Variants in TRABD2B observed in about 807,000 individuals in gnomAD.
The protein encoded by TRABD2B is TraB domain containing 2B.
In TRABD2B, 14 loss-of-function variants were observed where a neutral mutation model predicts 40.1. The observed-to-expected ratio is 0.35, with a 90% confidence interval of 0.23 to 0.55. The LOEUF (loss-of-function observed/expected upper bound fraction) is 0.55. Among genes scored for constraint, TRABD2B ranks in the 20% least tolerant of loss-of-function variants. The pLI is 0.90. For missense variants in TRABD2B, 541 were observed against 648.6 expected (o/e 0.83, Z 1.80); for synonymous variants, 263 against 277.0 (o/e 0.95, Z 0.50).
At chr1:47,800,918 G>C (rs1011417107) in intron 3 of TRABD2B, among the ~76,000 whole-genome samples, 2 of 152,172 alleles carry the variant, frequency 1.3e-5, no homozygotes, top group Non-Finnish European at 2.9e-5. Flanking sequence ...GCCAGCAGAG[G>C]GCACGTTGTA....
In TRABD2B at chr1:47,945,740, T is replaced by G. The variant is rs562079571; in HGVS notation, c.666+48294A>C. ...AATGTTGGGCCTGTATCAGTAGTTTTTTTCCTTTTGTTGCTGAGCAGTATT... is the reference window on the plus strand; with the variant it reads ...AATGTTGGGCCTGTATCAGTAGTTTGTTTCCTTTTGTTGCTGAGCAGTATT... On this transcript the variant is annotated intron_variant, in intron 2 of 6. Coordinates refer to ENST00000606738, the MANE Select transcript of TRABD2B (RefSeq NM_001194986.2). 2.0e-5 allele frequency among the ~76,000 whole-genome samples: 3 copies of G among 152,344 alleles called. No individual in the cohort carries two copies. The South Asian group carries it at 6.2e-4, about 32-fold the overall frequency.
At chr1:47,946,953 T>C (rs746799052) in intron 2 of TRABD2B, among the ~76,000 whole-genome samples, 4 of 151,724 alleles carry the variant, frequency 2.6e-5, no homozygotes, top group Non-Finnish European at 4.4e-5. Flanking sequence ...TTTTTCCATA[T>C]GGAGGTAAAG....
intron 2 of TRABD2B, among the ~76,000 whole-genome samples, chr1:47,936,854 C>T (rs1339459508): frequency 1.4e-5 from 2 of 143,202 alleles, no homozygotes; most frequent in African/African-American, 2.5e-5. Flanking sequence ...TAAGAATCAT[C>T]ATCATCATCA....
intron 2 of TRABD2B, among the ~76,000 whole-genome samples, chr1:47,887,781 T>C (rs1376031869): frequency 4.6e-5 from 7 of 152,086 alleles, no homozygotes; most frequent in Non-Finnish European, 8.8e-5. Flanking sequence ...CAGGTTCCTG[T>C]CTCCCAGAAC....
intron 2 of TRABD2B, among the ~76,000 whole-genome samples, chr1:47,956,758 C>CTGTAG (rs1346465835): frequency 6.6e-6 from 1 of 152,266 alleles, no homozygotes; most frequent in Admixed American, 6.5e-5. Flanking sequence ...CTGCCTGCCT[C>CTGTAG]TGTAGACTCC....
intron 2 of TRABD2B, among the ~76,000 whole-genome samples, chr1:47,926,158 C>T (rs1459194971): frequency 6.6e-6 from 1 of 152,106 alleles, no homozygotes; most frequent in Non-Finnish European, 1.5e-5. Flanking sequence ...TTAGGTAAAT[C>T]ATATGTTATC....
At chr1:47,775,944 GTA>G (rs1644441254) in intron 5 of TRABD2B, among the ~76,000 whole-genome samples, 1 of 152,052 alleles carries the variant, frequency 6.6e-6, no homozygotes, top group African/African-American at 2.4e-5. Flanking sequence ...TCTCTGGGGC[GTA>G]TCTGAGCTTG....
chr1:47,943,167 C>T (rs539595606), intron 2 of TRABD2B, among the ~76,000 whole-genome samples: 5 of 152,316 alleles, frequency 3.3e-5, no homozygotes, highest in East Asian at 1.9e-4. Flanking sequence ...GAAGATTCAA[C>T]GAGGACACGC....
chr1:47,859,563 T>C (rs1048794299), intron 2 of TRABD2B, among the ~76,000 whole-genome samples: 4 of 152,236 alleles, frequency 2.6e-5, no homozygotes, highest in African/African-American at 9.6e-5. Flanking sequence ...AGCAGCCCCT[T>C]TCTGGCCTGA....
chr1:47,801,546 G>T lies in TRABD2B; in HGVS notation c.740C>A (p.Thr247Asn). The change falls in exon 3 of 7, where the codon ACC (threonine) becomes AAC (asparagine). Residue 247 changes from threonine to asparagine, a missense_variant. By Grantham distance (65) the Thr-to-Asn change is moderately conservative. Around this residue, in one of 2 missense-constraint regions of TRABD2B, gnomAD observed 369 missense variants for 492.8 expected, o/e 0.75. Transcript: ENST00000606738. ...VRAGSLQASY[T>N]TEDLIKHYNC... ...GTAGTGCTTGATGAGGTCCTCCGTG[G>T]TGTAGGAGGCCTGCAGGCTCCCGGC... The T allele has an allele frequency of 6.5e-7, 1 of 1,536,090 alleles. No homozygotes were observed. Among genetic ancestry groups the T allele is most frequent in the South Asian group, 1.2e-5 (1 of 84,058 alleles).
chr1:47,880,798 T>C (rs1644292554), intron 2 of TRABD2B, among the ~76,000 whole-genome samples: 1 of 152,228 alleles, frequency 6.6e-6, no homozygotes, highest in Non-Finnish European at 1.5e-5. Context: ...CACAATAAGA[T>C]ATGAGGGCCA....
intron 2 of TRABD2B, among the ~76,000 whole-genome samples, chr1:47,827,564 T>C (rs1353647659): frequency 1.3e-5 from 2 of 152,168 alleles, no homozygotes; most frequent in Non-Finnish European, 2.9e-5. Context: ...CTTGTTTGTG[T>C]TGAGGTCAAG....
At chr1:47,866,927 A>G (rs928466077) in intron 2 of TRABD2B, among the ~76,000 whole-genome samples, 6 of 152,240 alleles carry the variant, frequency 3.9e-5, no homozygotes, top group Non-Finnish European at 5.9e-5. Flanking sequence ...AGCTGCAACC[A>G]GCTAGACCTC....
chr1:47,949,728 T>C (rs1031338214), intron 2 of TRABD2B, among the ~76,000 whole-genome samples: 12 of 152,008 alleles, frequency 7.9e-5, no homozygotes, highest in African/African-American at 2.9e-4. Context: ...CTTTCTAGGC[T>C]ATGGTTCTTC....
intron 2 of TRABD2B, among the ~76,000 whole-genome samples, chr1:47,987,778 G>C (rs1394139350): frequency 6.6e-6 from 1 of 152,212 alleles, no homozygotes; most frequent in Non-Finnish European, 1.5e-5. Context: ...GACATTTGCT[G>C]AGCAGCTCCT....
chr1:47,958,133 A>G (rs1347390068), intron 2 of TRABD2B, among the ~76,000 whole-genome samples: 2 of 151,156 alleles, frequency 1.3e-5, no homozygotes, highest in African/African-American at 2.4e-5. Context: ...AAGGAGAAAT[A>G]AAATACTTTA....
intron 2 of TRABD2B, among the ~76,000 whole-genome samples, chr1:47,931,186 C>G (rs944353440): frequency 6.6e-6 from 1 of 152,126 alleles, no homozygotes; most frequent in African/African-American, 2.4e-5. Flanking sequence ...GTAGAATAGG[C>G]CACTTGTCCT....
chr1:47,872,523 C>T (rs2124595819), intron 2 of TRABD2B, among the ~76,000 whole-genome samples: 1 of 152,266 alleles, frequency 6.6e-6, no homozygotes, highest in Admixed American at 6.5e-5. Context: ...ATTGCCTTTA[C>T]CTCTCTGGCT....
At chr1:47,961,508 A>C (rs1465803215) in intron 2 of TRABD2B, among the ~76,000 whole-genome samples, 1 of 152,214 alleles carries the variant, frequency 6.6e-6, no homozygotes, top group East Asian at 1.9e-4. Flanking sequence ...ACTTAAACAA[A>C]TTTACAAGAA....
Sources: allele counts gnomAD v4.1 joint callset (sites outside exome capture counted in the v4.1 genomes callset), GRCh38; gene constraint gnomAD v4.1.1; regional missense constraint gnomAD v4.1.1; transcripts MANE v1.5; gene names NCBI Gene and HGNC (gene_info 2026-07-23, HGNC 2026-07-21).